YPEL1: variants seen among roughly 807,000 people sequenced by gnomAD.
YPEL1 encodes protein yippee-like 1.
In YPEL1, 7 loss-of-function variants were observed where a neutral mutation model predicts 17.3. That is an observed-to-expected ratio of 0.40 (90% CI 0.23 to 0.76). YPEL1 has a LOEUF of 0.76. Among genes scored for constraint, YPEL1 ranks in the 30% least tolerant of loss-of-function variants. YPEL1 has a pLI of 0.35. For missense variants in YPEL1, 91 were observed against 155.5 expected (o/e 0.59, Z 2.21); for synonymous variants, 59 against 59.6 (o/e 0.99, Z 0.05).
At chr22:21,704,187 C>G in intron 2 of YPEL1, 1 of 718,074 alleles carries the variant, frequency 1.4e-6, no homozygotes, top group Non-Finnish European at 2.6e-6. Context: ...GTCTGGACAA[C>G]TTTACCTTAG....
In YPEL1 at chr22:21,728,764, C is replaced by T. The variant is rs1432964879; in HGVS notation, c.-165+6851G>A. On this transcript the variant is annotated intron_variant, in intron 1 of 4. Transcript: ENST00000339468. ...GTGGCTCACACCTGTAATCCCAGCACTTTGGGAACCCAAGGTGGGTGCATC... is the reference window on the plus strand; with the variant it reads ...GTGGCTCACACCTGTAATCCCAGCATTTTGGGAACCCAAGGTGGGTGCATC... Among the ~76,000 whole-genome samples, 2 of 152,170 alleles carry T rather than the reference C, an allele frequency of 1.3e-5. 1 individual carries two copies. The highest frequency in any genetic ancestry group is 2.9e-5 in the Non-Finnish European group (2 of 68,026).
intron 2 of YPEL1, 33 bp downstream of exon 2, chr22:21,710,595 T>C (rs2068154674): frequency 6.5e-7 from 1 of 1,530,618 alleles, no homozygotes; most frequent in Non-Finnish European, 9.1e-7. Flanking sequence ...AGATAATCAT[T>C]GTGCCATCAA....
chr22:21,701,922 G>A (rs1223274816), intron 4 of YPEL1, among the ~76,000 whole-genome samples: 1 of 152,202 alleles, frequency 6.6e-6, no homozygotes, highest in Non-Finnish European at 1.5e-5. Context: ...TGGGTGTGGT[G>A]TGCCTGTAGT....
intron 1 of YPEL1, among the ~76,000 whole-genome samples, chr22:21,719,757 G>A (rs547092547): frequency 1.3e-5 from 2 of 152,138 alleles, no homozygotes; most frequent in Non-Finnish European, 2.9e-5. Flanking sequence ...GCCGGACGCG[G>A]TGGCTCACGC....
chr22:21,715,596 A>AT (rs1392727078), intron 1 of YPEL1, among the ~76,000 whole-genome samples: 1 of 145,426 alleles, frequency 6.9e-6, no homozygotes, highest in African/African-American at 2.5e-5. Flanking sequence ...TATTTTTTTT[A>AT]TTTTTTTGAG....
rs368657439 is a variant in YPEL1, at chr22:21,707,242, AC to A, written c.118-3361del. Reference sequence around the variant, plus strand: ...AGACCAGCCTGGACAACATGGTGAAACCCCCTCTACTAAAAATACAAAAAAT... The same window carrying A: ...AGACCAGCCTGGACAACATGGTGAAACCCCTCTACTAAAAATACAAAAAAT... On this transcript the variant is annotated intron_variant, in intron 2 of 4. Transcript: ENST00000339468. Among the ~76,000 whole-genome samples, 22 of 152,166 alleles carry A rather than the reference AC, an allele frequency of 1.4e-4. No individual in the cohort carries two copies. The East Asian group carries it at 2.9e-3, about 20-fold the overall frequency.
At chr22:21,722,858 G>A (rs538257824) in intron 1 of YPEL1, 5 of 152,158 alleles carry the variant, frequency 3.3e-5, no homozygotes, top group South Asian at 2.1e-4. Flanking sequence ...GGGTGGCAAC[G>A]ACTTCTGGGG....
At chr22:21,725,472 G>A (rs1453550118) in intron 1 of YPEL1, among the ~76,000 whole-genome samples, 9 of 151,214 alleles carry the variant, frequency 6.0e-5, no homozygotes, top group Middle Eastern at 3.4e-3. Flanking sequence ...CTCATTATCC[G>A]CCTGCCTCGG....
At chr22:21,722,102 C>T (rs2068289342) in intron 1 of YPEL1, among the ~76,000 whole-genome samples, 1 of 152,154 alleles carries the variant, frequency 6.6e-6, no homozygotes. Context: ...ACATGGTATA[C>T]ACATACAGGG....
intron 1 of YPEL1, among the ~76,000 whole-genome samples, chr22:21,713,919 C>T (rs1305018979): frequency 6.6e-6 from 1 of 152,154 alleles, no homozygotes; most frequent in Non-Finnish European, 1.5e-5. Flanking sequence ...GTCAGGCACA[C>T]CGGATTTTCT....
rs775277714 is a variant in YPEL1, at chr22:21,710,691, G to T, written c.54C>A (p.His18Gln). The change falls in exon 2 of 5, where the codon CAC becomes CAA. Residue 18 changes from histidine to glutamine, a missense_variant. Physicochemically the swap from His to Gln is conservative, Grantham distance 24. Transcript: ENST00000339468. ...TGCAGTGGATACAGCTGTACGTTCG[G>T]TGACAGTTCGGCAGATACGCTTGGA... ...KTFQAYLPNC[H>Q]RTYSCIHCRA... 1.2e-6 allele frequency: 2 copies of T among 1,614,212 alleles called. No individual in the cohort carries two copies. Among genetic ancestry groups the T allele is most frequent in the Admixed American group, 3.3e-5 (2 of 60,018 alleles).
At chr22:21,726,310 TG>T (rs750935474) in intron 1 of YPEL1, among the ~76,000 whole-genome samples, 1 of 152,228 alleles carries the variant, frequency 6.6e-6, no homozygotes, top group African/African-American at 2.4e-5. Context: ...GCCCCCAGAA[TG>T]ACAAGAATGT....
rs560946500 is a variant in YPEL1 at position 21,717,204 on chromosome 22, C to T, written c.-164-6296G>A. ...CAGCCTGGCCAACACGGTGAAACCC[C>T]GTCTCTACTAAAAATACAAAAATTA... On this transcript the variant is annotated intron_variant, in intron 1 of 4. Transcript: ENST00000339468. Among the ~76,000 whole-genome samples the T allele has an allele frequency of 9.2e-5, 14 of 152,008 alleles. 1 individual carries two copies. The Middle Eastern group carries it at 0.017, about 185-fold the overall frequency.
intron 1 of YPEL1, among the ~76,000 whole-genome samples, chr22:21,719,685 G>T (rs1351332891): frequency 6.6e-6 from 1 of 152,076 alleles, no homozygotes; most frequent in East Asian, 1.9e-4. Flanking sequence ...AGGAGCTCGA[G>T]ACCAGTCTGG....
intron 1 of YPEL1, among the ~76,000 whole-genome samples, chr22:21,719,054 T>C (rs1251858483): frequency 1.3e-5 from 2 of 152,192 alleles, no homozygotes; most frequent in Non-Finnish European, 1.5e-5. Flanking sequence ...CCTGAACTAC[T>C]GGGCCCTTCA....
intron 2 of YPEL1, among the ~76,000 whole-genome samples, chr22:21,707,968 C>G (rs889354699): frequency 4.6e-5 from 7 of 152,186 alleles, no homozygotes; most frequent in Non-Finnish European, 8.8e-5. Flanking sequence ...CTAAATGGAG[C>G]CTTCTAGTAA....
At chr22:21,716,956 C>T (rs1392238427) in intron 1 of YPEL1, among the ~76,000 whole-genome samples, 1 of 152,182 alleles carries the variant, frequency 6.6e-6, no homozygotes, top group African/African-American at 2.4e-5. Flanking sequence ...TGCAGAAAAA[C>T]AGGTGTAGAC....
intron 1 of YPEL1, among the ~76,000 whole-genome samples, chr22:21,722,656 G>C (rs1015949850): frequency 2.6e-5 from 4 of 151,868 alleles, no homozygotes; most frequent in African/African-American, 9.7e-5. Flanking sequence ...CATTTGCCAA[G>C]GGTTTTGTTT....
intron 1 of YPEL1, among the ~76,000 whole-genome samples, chr22:21,718,659 G>C (rs2068251732): frequency 6.6e-6 from 1 of 151,990 alleles, no homozygotes; most frequent in South Asian, 2.1e-4. Context: ...CAGGAGAAGA[G>C]AAACCAAGCT....
Sources: gnomAD v4.1 joint callset for allele counts (sites outside exome capture counted in the v4.1 genomes callset) on GRCh38, gnomAD v4.1.1 for gene constraint, MANE v1.5 for transcripts, NCBI Gene and HGNC (gene_info 2026-07-23, HGNC 2026-07-21) for gene names.